The following HEPACAM2 variants were observed in gnomAD, a reference collection of about 807,000 sequenced individuals.
HEPACAM2 encodes mitotic kinetics regulator.
A neutral mutation model predicts 49.6 loss-of-function variants in HEPACAM2; 49 were observed. That is an observed-to-expected ratio of 0.99 (90% CI 0.78 to 1.25). The LOEUF (loss-of-function observed/expected upper bound fraction) is 1.25, where lower values mean the gene tolerates loss of function less well. HEPACAM2 is among the 50% of genes most tolerant of loss of function. The pLI is 0.00. For missense variants in HEPACAM2, 525 were observed against 557.2 expected (o/e 0.94, Z 0.58); for synonymous variants, 197 against 202.9 (o/e 0.97, Z 0.25).
At chr7:93,212,828 T>C (rs1275127044) in intron 3 of HEPACAM2, among the ~76,000 whole-genome samples, 1 of 152,052 alleles carries the variant, frequency 6.6e-6, no homozygotes, top group African/African-American at 2.4e-5. Context: ...GAATGGGCAA[T>C]CCAATTGGAG....
chr7:93,200,779 A>G (rs1001819584), intron 4 of HEPACAM2, among the ~76,000 whole-genome samples: 3 of 152,144 alleles, frequency 2.0e-5, no homozygotes, highest in Non-Finnish European at 4.4e-5. Context: ...CCTAGTCTTT[A>G]TAAATTTTTA....
In HEPACAM2 at chr7:93,209,245, G is replaced by A. The variant is rs138253397; in HGVS notation, c.716-369C>T. On this transcript the variant is annotated intron_variant, in intron 3 of 9. Coordinates refer to ENST00000394468, the MANE Select transcript of HEPACAM2 (RefSeq NM_001039372.4). Reference sequence around the variant, plus strand: ...ACAAATTCAATCTTGCTGTTTTTGTGTGACTAGCTTATTTTTATATGCTGA... The same window carrying A: ...ACAAATTCAATCTTGCTGTTTTTGTATGACTAGCTTATTTTTATATGCTGA... Among the ~76,000 whole-genome samples the A allele has an allele frequency of 8.4e-4, 127 of 151,964 alleles. 1 individual carries two copies. Among genetic ancestry groups the A allele is most frequent in the African/African-American group, 2.9e-3 (121 of 41,492 alleles).
At chr7:93,219,653 G>T in intron 1 of HEPACAM2, 2 of 839,020 alleles carry the variant, frequency 2.4e-6, no homozygotes, top group Middle Eastern at 3.8e-4. Context: ...TCCACCCAAA[G>T]ACCGTGCTGG....
At position 93,208,799 on chromosome 7, in the gene HEPACAM2, C is replaced by T. The variant is rs1794100939; in HGVS notation, c.793G>A (p.Ala265Thr). 6.2e-7 allele frequency: 1 copy of T among 1,612,810 alleles called. No homozygotes were observed. Among genetic ancestry groups the T allele is most frequent in the Non-Finnish European group, 8.5e-7 (1 of 1,179,342 alleles). The change falls in exon 4 of 10, where the codon GCC becomes ACC. Residue 265 changes from alanine to threonine, a missense_variant. By Grantham distance (58) the Ala-to-Thr change is moderately conservative (BLOSUM62 0). Coordinates refer to ENST00000394468, the MANE Select transcript of HEPACAM2 (RefSeq NM_001039372.4). Reference protein sequence around the residue: ...GEVFTVDLGEAILFDCSADSH... With the variant: ...GEVFTVDLGETILFDCSADSH... ...TCAGCAGAACAATCAAATAGGATGG[C>T]CTCTCCAAGGTCAACAGTAAACACT...
At position 93,197,495 on chromosome 7, in the gene HEPACAM2, T is replaced by G; in HGVS notation, c.1128A>C (p.Gln376His). 1 of 1,593,014 alleles carries G rather than the reference T, an allele frequency of 6.3e-7. No homozygotes were observed. Among genetic ancestry groups the G allele is most frequent in the South Asian group, 1.1e-5 (1 of 88,990 alleles). The change falls in exon 5 of 10, where the codon CAA becomes CAC. Residue 376 changes from glutamine (Q) to histidine (H), a missense_variant. Gln to His is a conservative substitution (Grantham distance 24). Coordinates refer to ENST00000394468, the MANE Select transcript of HEPACAM2 (RefSeq NM_001039372.4). The part of the protein sequence containing the change: ...MCLLFLWKKY[Q>H]PYKVIKQKLE... ...GTAATTTTAACCTACCTTTGTAGGG[T>G]TGATATTTTTTCCATAGGAAGAGAA...
chr7:93,222,860 G>C (rs891687829), intron 1 of HEPACAM2, among the ~76,000 whole-genome samples: 1 of 152,184 alleles, frequency 6.6e-6, no homozygotes, highest in Non-Finnish European at 1.5e-5. Flanking sequence ...CAAATTGAGA[G>C]AGGGCCTAAA....
chr7:93,218,901 T>A (rs1213746539), intron 2 of HEPACAM2, among the ~76,000 whole-genome samples, 200 bp downstream of exon 2: 1 of 152,212 alleles, frequency 6.6e-6, no homozygotes, highest in Non-Finnish European at 1.5e-5. Flanking sequence ...ATATCTCTTA[T>A]GTGCATGTCT....
chr7:93,219,817 A>G (rs754596547), intron 1 of HEPACAM2, among the ~76,000 whole-genome samples: 10 of 152,244 alleles, frequency 6.6e-5, no homozygotes, highest in Non-Finnish European at 1.0e-4. Flanking sequence ...GTCATATCAT[A>G]TCATAATCTA....
At chr7:93,191,146 T>C (rs1297679432) in intron 9 of HEPACAM2, among the ~76,000 whole-genome samples, 1 of 152,048 alleles carries the variant, frequency 6.6e-6, no homozygotes, top group Non-Finnish European at 1.5e-5. Context: ...TTTTTATTCT[T>C]AAAATATCAT....
At chr7:93,189,301 A>G in intron 9 of HEPACAM2, 31 bp from the exon 10 acceptor site, 1 of 1,536,002 alleles carries the variant, frequency 6.5e-7, no homozygotes, top group Non-Finnish European at 8.8e-7. Flanking sequence ...ATATGTAAAC[A>G]GTTCTATAGA....
At chr7:93,231,192 ATTT>A (rs1296778259), upstream of HEPACAM2, among the ~76,000 whole-genome samples, 1 of 152,100 alleles carries the variant, frequency 6.6e-6, no homozygotes, top group African/African-American at 2.4e-5. Flanking sequence ...TTTACCTAGT[ATTT>A]TTTATTACGT....
upstream of HEPACAM2, among the ~76,000 whole-genome samples, chr7:93,226,890 A>G (rs1794551249): frequency 6.6e-6 from 1 of 152,226 alleles, no homozygotes; most frequent in South Asian, 2.1e-4. Context: ...TAGCTCATGT[A>G]TCTGCTAAAC....
In HEPACAM2 at chr7:93,202,048, AAC is replaced by A. The variant is rs535323469; in HGVS notation, c.1013-4440_1013-4439del. ...AAAAAAAACCAAAAAAAAAAAAAAA[AAC>A]CACAAAAACCAGAAAAACTGGTAAG... On this transcript the variant is annotated intron_variant, in intron 4 of 9. Coordinates refer to ENST00000394468, the MANE Select transcript of HEPACAM2 (RefSeq NM_001039372.4). Among the ~76,000 whole-genome samples the A allele has an allele frequency of 2.5e-3, 256 of 100,400 alleles. 3 individuals are homozygous for A. In the South Asian group the frequency reaches 0.026, roughly 10 times the overall value. The allele number at this position is 100,400 out of a possible 152,430, so 65.9% of individuals were successfully genotyped here.
chr7:93,204,069 G>GA (rs1321493691), intron 4 of HEPACAM2, among the ~76,000 whole-genome samples: 2 of 152,106 alleles, frequency 1.3e-5, no homozygotes, highest in Admixed American at 6.6e-5. Context: ...TTTCCAGATA[G>GA]AAAAAATTAG....
chr7:93,197,249 G>A lies in HEPACAM2; in HGVS notation c.1193C>T (p.Thr398Ile), dbSNP rs748934771. 5.0e-6 allele frequency: 8 copies of A among 1,610,066 alleles called. No homozygotes were observed. Among genetic ancestry groups the A allele is most frequent in the Non-Finnish European group, 6.8e-6 (8 of 1,178,080 alleles). Residue 398 changes from threonine (T) to isoleucine (I), a missense_variant, in exon 7 of 10, where the codon ACA (threonine) becomes ATA (isoleucine). Thr to Ile is a moderately conservative substitution (Grantham distance 89). Transcript: ENST00000394468. The stretch of plus-strand genomic sequence containing the variant: ...TTCAGCTTGGCCATTACCTGAAAAT[G>A]TTTGAGCTTTCCTGTATTCTGTTTC... ...RPETEYRKAQTFSGHEDALDD... is the reference protein window; with the variant it reads ...RPETEYRKAQIFSGHEDALDD...
intron 1 of HEPACAM2, among the ~76,000 whole-genome samples, chr7:93,221,759 T>A (rs1794455865): frequency 6.6e-6 from 1 of 152,170 alleles, no homozygotes; most frequent in Non-Finnish European, 1.5e-5. Context: ...CATAAAGACA[T>A]GTCTTATTGT....
At position 93,208,791 on chromosome 7, in the gene HEPACAM2, T is replaced by C. The variant is rs1350552584; in HGVS notation, c.801A>G (p.Leu267=). 5 of 1,612,878 alleles carry C rather than the reference T, an allele frequency of 3.1e-6. No homozygotes were observed. In the African/African-American group the frequency reaches 4.0e-5, roughly 13 times the overall value. The change falls in exon 4 of 10, where the codon CTA becomes CTG. Residue 267 remains leucine (L), a synonymous_variant. Coordinates refer to ENST00000394468, the MANE Select transcript of HEPACAM2 (RefSeq NM_001039372.4). ...VFTVDLGEAI[L]FDCSADSHPP... ...GATGAGAATCAGCAGAACAATCAAA[T>C]AGGATGGCCTCTCCAAGGTCAACAG...
chr7:93,206,905 C>T (rs950024073), intron 4 of HEPACAM2, among the ~76,000 whole-genome samples: 3 of 152,082 alleles, frequency 2.0e-5, no homozygotes, highest in African/African-American at 7.2e-5. Flanking sequence ...TTCTTCATGG[C>T]TCTTTAGGAA....
intron 3 of HEPACAM2, among the ~76,000 whole-genome samples, chr7:93,210,864 T>C (rs1467799092): frequency 6.6e-6 from 1 of 152,020 alleles, no homozygotes; most frequent in East Asian, 1.9e-4. Flanking sequence ...GGGTCTCATT[T>C]TCCTCACCTT....
Sources: allele counts gnomAD v4.1 joint callset (sites outside exome capture counted in the v4.1 genomes callset), GRCh38; gene constraint gnomAD v4.1.1; transcripts MANE v1.5; gene names NCBI Gene and HGNC (gene_info 2026-07-23, HGNC 2026-07-21).